CYP7B1: variants seen among roughly 807,000 people sequenced by gnomAD.
CYP7B1 encodes the protein cytochrome P450 family 7 subfamily B member 1.
CYP7B1 carries 29 observed loss-of-function variants against 42.7 expected under a neutral mutation model. The observed-to-expected ratio is 0.68, with a 90% CI of 0.51 to 0.93. The LOEUF (loss-of-function observed/expected upper bound fraction) is 0.93. CYP7B1 is among the 40% of genes least tolerant of loss of function. The pLI is 0.00. For synonymous variants in CYP7B1, 235 were observed against 218.2 expected (o/e 1.08, Z -0.68); for missense variants, 655 against 600.5 (o/e 1.09, Z -0.95).
intron 1 of CYP7B1, among the ~76,000 whole-genome samples, chr8:64,794,803 G>A (rs1200022231): frequency 6.6e-6 from 1 of 152,184 alleles, no homozygotes; most frequent in Admixed American, 6.5e-5. Flanking sequence ...GATTCACCTT[G>A]ACAAAGAGTA....
rs886480450 is a variant in CYP7B1 at position 64,668,340 on chromosome 8, T to G, written c.123-43801A>C. Among the ~76,000 whole-genome samples, 3 of 152,176 alleles carry G rather than the reference T, an allele frequency of 2.0e-5. No individual in the cohort carries two copies. In the South Asian group the frequency reaches 6.2e-4, roughly 31 times the overall value. ...ACAAATAAAATGCAGTAAAAACTTG[T>G]TGAACTGATAACTATATAATATGAA... On this transcript the variant is annotated intron_variant, in intron 1 of 5. Coordinates refer to ENST00000310193, the MANE Select transcript of CYP7B1 (RefSeq NM_004820.5).
intron 1 of CYP7B1, among the ~76,000 whole-genome samples, chr8:64,719,346 A>G (rs558049301): frequency 6.6e-6 from 1 of 152,220 alleles, no homozygotes; most frequent in Non-Finnish European, 1.5e-5. Context: ...ATGATAAATC[A>G]GTAGTGAGTG....
intron 1 of CYP7B1, among the ~76,000 whole-genome samples, chr8:64,747,681 T>C (rs1407990195): frequency 6.6e-6 from 1 of 151,758 alleles, no homozygotes; most frequent in African/African-American, 2.4e-5. Context: ...AAACTATATA[T>C]GTTATTTATA....
At position 64,720,782 on chromosome 8, in the gene CYP7B1, T is replaced by C. The variant is rs984226869; in HGVS notation, c.122+77684A>G. ...AATTATGTAATTGTGAAACTATATGTAGATGCATTTTAAATTTTATCAAAA... is the reference window on the plus strand; with the variant it reads ...AATTATGTAATTGTGAAACTATATGCAGATGCATTTTAAATTTTATCAAAA... On this transcript the variant is annotated intron_variant, in intron 1 of 5. Coordinates refer to ENST00000310193, the MANE Select transcript of CYP7B1 (RefSeq NM_004820.5). Among the ~76,000 whole-genome samples, 8 of 152,152 alleles carry C rather than the reference T, an allele frequency of 5.3e-5. No homozygotes were observed. In the South Asian group the frequency reaches 1.4e-3, roughly 28 times the overall value.
chr8:64,663,435 G>A (rs1464454774), intron 1 of CYP7B1, among the ~76,000 whole-genome samples: 2 of 152,206 alleles, frequency 1.3e-5, no homozygotes, highest in Non-Finnish European at 2.9e-5. Context: ...TGAGGGGGCT[G>A]AATCAACAGC....
chr8:64,781,084 T>A (rs1804414478), intron 1 of CYP7B1, among the ~76,000 whole-genome samples: 1 of 152,156 alleles, frequency 6.6e-6, no homozygotes, highest in African/African-American at 2.4e-5. Flanking sequence ...TGTGACCCCA[T>A]GATAATCTGT....
intron 1 of CYP7B1, among the ~76,000 whole-genome samples, chr8:64,690,426 A>G (rs1221389953): frequency 6.6e-6 from 1 of 152,180 alleles, no homozygotes; most frequent in African/African-American, 2.4e-5. Context: ...ACAAAAAGTA[A>G]TGAGCAAACC....
chr8:64,650,426 T>A (rs1210950456), intron 1 of CYP7B1, among the ~76,000 whole-genome samples: 1 of 152,154 alleles, frequency 6.6e-6, no homozygotes, highest in Non-Finnish European at 1.5e-5. Flanking sequence ...GGTGGGCGGA[T>A]CACCTGAGGT....
intron 4 of CYP7B1, among the ~76,000 whole-genome samples, chr8:64,608,933 TACAG>T (rs1805326143): frequency 6.6e-6 from 1 of 152,212 alleles, no homozygotes; most frequent in South Asian, 2.1e-4. Flanking sequence ...ACTGCTAAAA[TACAG>T]ACATGTAAAT....
At chr8:64,700,285 A>C (rs1806895365) in intron 1 of CYP7B1, among the ~76,000 whole-genome samples, 1 of 152,050 alleles carries the variant, frequency 6.6e-6, no homozygotes, top group Non-Finnish European at 1.5e-5. Flanking sequence ...CCTTTCTAAC[A>C]ACCACCAGGA....
intron 1 of CYP7B1, among the ~76,000 whole-genome samples, chr8:64,682,314 CA>C (rs1251802498): frequency 9.9e-5 from 15 of 152,284 alleles, no homozygotes; most frequent in African/African-American, 3.6e-4. Flanking sequence ...ATGTGGAACA[CA>C]AGGCTGAGCA....
chr8:64,788,314 A>G (rs1804562075), intron 1 of CYP7B1, among the ~76,000 whole-genome samples: 1 of 152,176 alleles, frequency 6.6e-6, no homozygotes, highest in African/African-American at 2.4e-5. Flanking sequence ...AGGTCCCCAG[A>G]TACCATTGTT....
intron 1 of CYP7B1, among the ~76,000 whole-genome samples, chr8:64,784,668 C>T (rs563616657): frequency 1.3e-5 from 2 of 152,278 alleles, no homozygotes; most frequent in African/African-American, 4.8e-5. Context: ...ATGTTTGATG[C>T]TCTTGCCACT....
In CYP7B1 at chr8:64,624,581, C is replaced by A; in HGVS notation, c.123-42G>T. 1.9e-6 allele frequency: 3 copies of A among 1,606,950 alleles called. No homozygotes were observed. In the South Asian group the frequency reaches 3.3e-5, roughly 18 times the overall value. ...AAAGATAAAAGAACAAAAGAAAAAT[C>A]AAATCATTCTTATTCGAATACAGGT... On this transcript the variant is annotated intron_variant, in intron 1 of 5. Transcript: ENST00000310193.
intron 1 of CYP7B1, among the ~76,000 whole-genome samples, chr8:64,670,944 T>C (rs983942842): frequency 4.6e-5 from 7 of 152,274 alleles, no homozygotes; most frequent in Middle Eastern, 6.8e-3. Flanking sequence ...TGCTGTGGCT[T>C]AATTATTTCC....
At chr8:64,687,310 A>C (rs1806670334) in intron 1 of CYP7B1, among the ~76,000 whole-genome samples, 1 of 152,214 alleles carries the variant, frequency 6.6e-6, no homozygotes, top group African/African-American at 2.4e-5. Context: ...TGCTAAAGGA[A>C]GAAGTTAGTT....
chr8:64,710,518 A>G (rs1807064894), intron 1 of CYP7B1, among the ~76,000 whole-genome samples: 1 of 152,112 alleles, frequency 6.6e-6, no homozygotes, highest in Non-Finnish European at 1.5e-5. Context: ...CATATTTGAC[A>G]CCTTCTCTCT....
intron 1 of CYP7B1, among the ~76,000 whole-genome samples, chr8:64,747,723 G>C (rs1302423322): frequency 6.6e-6 from 1 of 151,772 alleles, no homozygotes; most frequent in Non-Finnish European, 1.5e-5. Flanking sequence ...TAACTTTACC[G>C]ATACGTAAAA....
chr8:64,747,112 ATTG>A (rs1388377194), intron 1 of CYP7B1, among the ~76,000 whole-genome samples: 14 of 149,552 alleles, frequency 9.4e-5, no homozygotes, highest in Admixed American at 5.4e-4. Context: ...AAATATATTT[ATTG>A]TTATTTATAG....
Sources: gnomAD v4.1 joint callset for allele counts (sites outside exome capture counted in the v4.1 genomes callset) on GRCh38, gnomAD v4.1.1 for gene constraint, MANE v1.5 for transcripts, NCBI Gene and HGNC (gene_info 2026-07-23, HGNC 2026-07-21) for gene names.